Variants in ERGIC3 observed in about 807,000 individuals in gnomAD.
ERGIC3 encodes the protein ERGIC and golgi 3.
Under a neutral mutation model 54.7 loss-of-function variants are expected in ERGIC3, and 33 were observed. The observed-to-expected ratio is 0.60, with a 90% CI of 0.46 to 0.81. The LOEUF (loss-of-function observed/expected upper bound fraction) is 0.81. ERGIC3 is among the 30% of genes least tolerant of loss of function. The probability of loss-of-function intolerance (pLI) is 0.00; values close to 1 mark genes in which losing one functional copy is unlikely to be tolerated. For missense variants in ERGIC3, 399 were observed against 488.4 expected, an observed-to-expected ratio of 0.82 and a Z score of 1.73; for synonymous variants, 186 against 189.8, an observed-to-expected ratio of 0.98 and a Z score of 0.16.
intron 8 of ERGIC3, among the ~76,000 whole-genome samples, chr20:35,555,635 A>G (rs991078558): frequency 1.3e-5 from 2 of 152,020 alleles, no homozygotes; most frequent in Admixed American, 1.3e-4. Context: ...TGCCTAACGT[A>G]CAAGTGAAGC....
chr20:35,556,851 C>CTGTG (rs1224789764), intron 10 of ERGIC3, 122 bp from the exon 11 acceptor site: 1 of 1,378,644 alleles, frequency 7.3e-7, no homozygotes, highest in East Asian at 2.4e-5. Flanking sequence ...TAGCACGGTG[C>CTGTG]TGTGTTCTCT....
chr20:35,557,440 A>AT lies in ERGIC3; in HGVS notation c.1090dup (p.Ser364PhefsTer15). Reference sequence around the variant, plus strand: ...TCTCTCCCAGTGGCTGGACTCATCGATTCGCTCATCTACCACTCAGCACGA... The same window carrying AT: ...TCTCTCCCAGTGGCTGGACTCATCGATTTCGCTCATCTACCACTCAGCACGA... On this transcript the variant is annotated frameshift_variant, in exon 13 of 13. Coordinates refer to ENST00000348547, the MANE Select transcript of ERGIC3 (RefSeq NM_015966.3). LOFTEE classifies it high-confidence loss of function. 1 of 1,614,084 alleles carries AT rather than the reference A, an allele frequency of 6.2e-7. No individual in the cohort carries two copies. Among genetic ancestry groups the AT allele is most frequent in the Non-Finnish European group, 8.5e-7 (1 of 1,180,002 alleles).
At chr20:35,554,484 T>A in intron 7 of ERGIC3, 1 of 1,343,046 alleles carries the variant, frequency 7.4e-7, no homozygotes, top group South Asian at 1.2e-5. Context: ...TGATTGGGTC[T>A]CCTCTGACCT....
chr20:35,548,087 A>G (rs943723114), intron 5 of ERGIC3, among the ~76,000 whole-genome samples: 5 of 152,088 alleles, frequency 3.3e-5, no homozygotes, highest in African/African-American at 1.2e-4. Flanking sequence ...TAAGTGTGCA[A>G]CTCAGTGGCA....
intron 7 of ERGIC3, among the ~76,000 whole-genome samples, chr20:35,554,582 TAA>T (rs2064701181): frequency 6.6e-6 from 1 of 152,190 alleles, no homozygotes; most frequent in African/African-American, 2.4e-5. Flanking sequence ...AGGGCAGGAA[TAA>T]ATTGTTCTGG....
chr20:35,548,412 T>C, intron 5 of ERGIC3, 97 bp from the exon 6 acceptor site: 1 of 1,322,914 alleles, frequency 7.6e-7, no homozygotes, highest in Non-Finnish European at 1.0e-6. Flanking sequence ...AGCAGAGCCT[T>C]CATTAGCAGG....
chr20:35,543,117 C>G, intron 4 of ERGIC3, 176 bp downstream of exon 4: 1 of 760,098 alleles, frequency 1.3e-6, no homozygotes, highest in Non-Finnish European at 2.1e-6. Context: ...CTAAAATCCT[C>G]TATACATATC....
At position 35,556,134 on chromosome 20, in the gene ERGIC3, C is replaced by G; in HGVS notation, c.814+5C>G. On this transcript the variant is annotated splice_donor_5th_base_variant and intron_variant, in intron 9 of 12. Transcript: ENST00000348547. ...CCAATGTCACTGCGCCCCAAGGTAC[C>G]AGCCCGGGAGGCAGCCCCCAGCCGC... 1 of 1,614,202 alleles carries G rather than the reference C, an allele frequency of 6.2e-7. No homozygotes were observed. The highest frequency in any genetic ancestry group is 1.7e-5 in the Admixed American group (1 of 60,018).
rs865884255 is a variant in ERGIC3, at chr20:35,547,443, C to T, written c.399C>T (p.Asp133=). ...GGAAAGTCGAGGTGACGGTGTTTGACCCTGACTCCCTGGACCCTGATCGCT... is the reference window on the plus strand; with the variant it reads ...GGAAAGTCGAGGTGACGGTGTTTGATCCTGACTCCCTGGACCCTGATCGCT... The part of the protein sequence containing the change: ...ELGKVEVTVF[D]PDSLDPDRCE... Residue 133 remains aspartate (D), a synonymous_variant, in exon 5 of 13, where the codon GAC becomes GAT. Transcript: ENST00000348547. The T allele has an allele frequency of 6.2e-7, 1 of 1,614,134 alleles. No individual in the cohort carries two copies. The highest frequency in any genetic ancestry group is 1.6e-4 in the Middle Eastern group (1 of 6,062).
In ERGIC3 at chr20:35,556,069, G is replaced by A. The variant is rs1408296794; in HGVS notation, c.754G>A (p.Gly252Arg). 6.2e-7 allele frequency: 1 copy of A among 1,613,982 alleles called. No homozygotes were observed. The highest frequency in any genetic ancestry group is 8.5e-7 in the Non-Finnish European group (1 of 1,180,018). ...CCACTACATCCAGCACCTGTCATTTGGGGAGGACTATCCAGGCATTGTGAA... is the reference window on the plus strand; with the variant it reads ...CCACTACATCCAGCACCTGTCATTTAGGGAGGACTATCCAGGCATTGTGAA... Reference protein sequence around the residue: ...MTHYIQHLSFGEDYPGIVNPL... With the variant: ...MTHYIQHLSFREDYPGIVNPL... The change falls in exon 9 of 13, where the codon GGG becomes AGG. Residue 252 changes from glycine to arginine, a missense_variant. By Grantham distance (125) the Gly-to-Arg change is moderately radical. Coordinates refer to ENST00000348547, the MANE Select transcript of ERGIC3 (RefSeq NM_015966.3).
chr20:35,548,434 G>T, intron 5 of ERGIC3, 75 bp from the exon 6 acceptor site: 1 of 1,507,390 alleles, frequency 6.6e-7, no homozygotes. Context: ...AGAGCTGCTC[G>T]GGCTCTATTT....
rs142202455 is a variant in ERGIC3 at position 35,546,033 on chromosome 20, G to A, written c.368-1379G>A. On this transcript the variant is annotated intron_variant, in intron 4 of 12. Transcript: ENST00000348547. ...AGATTGGGACGGATTAGCCATTGAC[G>A]TAGAAGAACCAAGAGGTGTCCCAAA... is the stretch of plus-strand genomic sequence containing the variant. Among the ~76,000 whole-genome samples the A allele has an allele frequency of 1.2e-4, 19 of 152,296 alleles. No individual in the cohort carries two copies. The East Asian group carries it at 3.1e-3, about 25-fold the overall frequency.
intron 10 of ERGIC3, 143 bp from the exon 11 acceptor site, chr20:35,556,830 G>A (rs1357999884): frequency 8.5e-7 from 1 of 1,176,284 alleles, no homozygotes; most frequent in South Asian, 1.4e-5. Context: ...AGGCCTTGCA[G>A]TGCAGGCCAC....
intron 7 of ERGIC3, among the ~76,000 whole-genome samples, chr20:35,553,015 TG>T: frequency 8.0e-6 from 1 of 124,902 alleles, no homozygotes; most frequent in Non-Finnish European, 1.7e-5. Context: ...GCTTCAAAGC[TG>T]GGGATTTTTT....
Position 35,548,674 on chromosome 20 carries a change from G to T in ERGIC3, c.627G>T (p.Lys209Asn), listed in dbSNP as rs1438495528. 6.2e-7 allele frequency: 1 copy of T among 1,614,114 alleles called. No individual in the cohort carries two copies. Among genetic ancestry groups the T allele is most frequent in the Non-Finnish European group, 8.5e-7 (1 of 1,180,048 alleles). The change falls in exon 6 of 13, where the codon AAG becomes AAT. Residue 209 changes from lysine (K) to asparagine (N), a missense_variant and splice_region_variant. Transcript: ENST00000348547. ...CQVYGFLEVN[K>N]VAGNFHFAPG... is the part of the protein sequence containing the mutation. The stretch of plus-strand genomic sequence containing the variant: ...TGTATGGCTTCTTGGAAGTCAATAA[G>T]GTATCAGGAGGGATCAAGACAAGAT...
At position 35,548,656 on chromosome 20, in the gene ERGIC3, C is replaced by T. The variant is rs1490836579; in HGVS notation, c.609C>T (p.Gly203=). The T allele has an allele frequency of 1.9e-6, 3 of 1,614,258 alleles. No homozygotes were observed. The highest frequency in any genetic ancestry group is 2.2e-5 in the South Asian group (2 of 91,082). The change falls in exon 6 of 13, where the codon GGC becomes GGT. Residue 203 remains glycine, a synonymous_variant. Coordinates refer to ENST00000348547, the MANE Select transcript of ERGIC3 (RefSeq NM_015966.3). ...AGAATGAAGGCTGCCAGGTGTATGG[C>T]TTCTTGGAAGTCAATAAGGTATCAG... is the stretch of plus-strand genomic sequence containing the variant. ...EQKNEGCQVY[G]FLEVNKVAGN... is the part of the protein sequence containing the mutation.
chr20:35,542,218 G>C lies in ERGIC3; in HGVS notation c.88+33G>C, dbSNP rs767657134. On this transcript the variant is annotated intron_variant, in intron 1 of 12. Transcript: ENST00000348547. ...GCAGCGGGGCCGGGGTCGCGTGGAG[G>C]GGGGCGTCCTAGAGCTTAGCCCGGG... The C allele has an allele frequency of 3.1e-6, 5 of 1,590,576 alleles. No individual in the cohort carries two copies. The African/African-American group carries it at 4.0e-5, about 13-fold the overall frequency.
In ERGIC3 at chr20:35,556,235, G is replaced by C; in HGVS notation, c.843G>C (p.Lys281Asn). The change falls in exon 10 of 13, where the codon AAG becomes AAC. Residue 281 changes from lysine (K) to asparagine (N), a missense_variant. Coordinates refer to ENST00000348547, the MANE Select transcript of ERGIC3 (RefSeq NM_015966.3). ...QASMMFQYFVKVVPTVYMKVD... is the reference protein window; with the variant it reads ...QASMMFQYFVNVVPTVYMKVD... ...CCATGATGTTCCAGTACTTTGTGAA[G>C]GTGGTGCCCACTGTGTACATGAAGG... 6.8e-6 allele frequency: 11 copies of C among 1,614,188 alleles called. No homozygotes were observed. Among genetic ancestry groups the C allele is most frequent in the Non-Finnish European group, 9.3e-6 (11 of 1,180,040 alleles).
chr20:35,556,352 G>A (rs2064712160), intron 10 of ERGIC3, 81 bp downstream of exon 10: 2 of 1,474,746 alleles, frequency 1.4e-6, no homozygotes, highest in East Asian at 2.3e-5. Flanking sequence ...GTCAGCCTGG[G>A]GAGTGAAAGC....
Sources: gnomAD v4.1 joint callset for allele counts (sites outside exome capture counted in the v4.1 genomes callset) on GRCh38, gnomAD v4.1.1 for gene constraint, MANE v1.5 for transcripts, NCBI Gene and HGNC (gene_info 2026-07-23, HGNC 2026-07-21) for gene names.